PDE3A: variants seen among roughly 807,000 people sequenced by gnomAD.
The protein encoded by PDE3A is cGMP-inhibited 3',5'-cyclic phosphodiesterase 3A.
Under a neutral mutation model 98.3 loss-of-function variants are expected in PDE3A, and 43 were observed. That is an observed-to-expected ratio of 0.44 (90% CI 0.34 to 0.56). The LOEUF is 0.56. Ranked by LOEUF, PDE3A falls within the 20% of genes least tolerant of loss-of-function variation. The pLI, the probability that PDE3A is intolerant of heterozygous loss-of-function variation, is 0.01. For synonymous variants in PDE3A, 663 were observed against 567.9 expected (o/e 1.17, Z -2.38); for missense variants, 1,427 against 1,440.7 (o/e 0.99, Z 0.15).
rs1187718207 is a variant in PDE3A at position 20,449,882 on chromosome 12, C to G, written c.960+79638C>G. On this transcript the variant is annotated intron_variant, in intron 1 of 15. Coordinates refer to ENST00000359062, the MANE Select transcript of PDE3A (RefSeq NM_000921.5). ...TTTAGTGGACATTTGGGTGACAGATCTTTAAGTGTGCTCTTCGGTGGTTTG... is the reference window on the plus strand; with the variant it reads ...TTTAGTGGACATTTGGGTGACAGATGTTTAAGTGTGCTCTTCGGTGGTTTG... 2.6e-5 allele frequency: 18 copies of G among 704,984 alleles called. No individual in the cohort carries two copies. In the South Asian group the frequency reaches 4.5e-4, roughly 18 times the overall value. 43.7% of individuals were successfully genotyped at this position (704,984 alleles called of 1,614,324 possible).
Position 20,369,430 on chromosome 12 carries a change from A to T in PDE3A, c.146A>T (p.Asp49Val). 6.4e-7 allele frequency: 1 copy of T among 1,555,080 alleles called. No homozygotes were observed. Among genetic ancestry groups the T allele is most frequent in the South Asian group, 1.2e-5 (1 of 84,378 alleles). The change falls in exon 1 of 16, where the codon GAC becomes GTC. Residue 49 changes from aspartate (D) to valine (V), a missense_variant. By Grantham distance (152) the Asp-to-Val change is radical. Around this residue, in one of 3 missense-constraint regions of PDE3A, gnomAD observed 1,012 missense variants for 886.5 expected, o/e 1.14. Coordinates refer to ENST00000359062, the MANE Select transcript of PDE3A (RefSeq NM_000921.5). ...RDSGCRGCWG[D>V]LVLQPLRSSR... ...TCGGGCTGCCGTGGCTGCTGGGGAGACCTGGTGCTGCAGCCGCTCCGGAGC... is the reference window on the plus strand; with the variant it reads ...TCGGGCTGCCGTGGCTGCTGGGGAGTCCTGGTGCTGCAGCCGCTCCGGAGC...
intron 15 of PDE3A, among the ~76,000 whole-genome samples, chr12:20,665,027 TTTC>T (rs774944391): frequency 6.6e-6 from 1 of 152,182 alleles, no homozygotes; most frequent in Non-Finnish European, 1.5e-5. Context: ...TTTATTGACT[TTTC>T]TTCATTTTCA....
At chr12:20,596,686 T>A (rs1169028964) in intron 2 of PDE3A, among the ~76,000 whole-genome samples, 1 of 152,136 alleles carries the variant, frequency 6.6e-6, no homozygotes, top group Admixed American at 6.5e-5. Flanking sequence ...GCATTTTTCT[T>A]GATGGAAAAA....
chr12:20,407,926 T>C (rs796821837), intron 1 of PDE3A, among the ~76,000 whole-genome samples: 3 of 152,082 alleles, frequency 2.0e-5, no homozygotes, highest in East Asian at 3.9e-4. Flanking sequence ...TTTTTATTTA[T>C]TTATTTATTT....
At chr12:20,607,236 C>A (rs1386049308) in intron 2 of PDE3A, among the ~76,000 whole-genome samples, 1 of 151,854 alleles carries the variant, frequency 6.6e-6, no homozygotes, top group Non-Finnish European at 1.5e-5. Context: ...CCCAGGAGTT[C>A]AAGACCAGCC....
chr12:20,527,782 A>G (rs1312484906), intron 1 of PDE3A, among the ~76,000 whole-genome samples: 2 of 152,186 alleles, frequency 1.3e-5, no homozygotes, highest in Non-Finnish European at 2.9e-5. Flanking sequence ...TTTGATGTTT[A>G]TAATACCCGA....
chr12:20,517,938 A>G (rs1351556283), intron 1 of PDE3A, among the ~76,000 whole-genome samples: 2 of 152,334 alleles, frequency 1.3e-5, no homozygotes, highest in East Asian at 3.9e-4. Context: ...ACCCGTTTAC[A>G]AAGAGACTCC....
At chr12:20,411,098 T>G (rs909935583) in intron 1 of PDE3A, among the ~76,000 whole-genome samples, 2 of 152,204 alleles carry the variant, frequency 1.3e-5, no homozygotes, top group Non-Finnish European at 2.9e-5. Context: ...TCTTTCAAAT[T>G]TTGGCATTTA....
intron 2 of PDE3A, among the ~76,000 whole-genome samples, chr12:20,602,269 G>A (rs1201572561): frequency 6.6e-6 from 1 of 152,174 alleles, no homozygotes; most frequent in Admixed American, 6.5e-5. Context: ...AAACCAGCGT[G>A]CAACTTAAAG....
chr12:20,475,068 G>T (rs1011255244), intron 1 of PDE3A, among the ~76,000 whole-genome samples: 1 of 151,852 alleles, frequency 6.6e-6, no homozygotes, highest in South Asian at 2.1e-4. Flanking sequence ...GGTCACTGTT[G>T]ATCAAAAATG....
chr12:20,671,467 T>G (rs963279192), intron 15 of PDE3A, among the ~76,000 whole-genome samples: 1 of 122,952 alleles, frequency 8.1e-6, no homozygotes, highest in South Asian at 2.9e-4. Context: ...ACTGGCAAAC[T>G]GAATCCAGCA....
At chr12:20,574,380 G>GAAAT (rs1194255887) in intron 2 of PDE3A, among the ~76,000 whole-genome samples, 1 of 152,042 alleles carries the variant, frequency 6.6e-6, no homozygotes, top group East Asian at 1.9e-4. Flanking sequence ...AATGATCTTT[G>GAAAT]AAATAATAAA....
intron 1 of PDE3A, among the ~76,000 whole-genome samples, chr12:20,512,599 G>A (rs1946247947): frequency 6.6e-6 from 1 of 152,004 alleles, no homozygotes; most frequent in Non-Finnish European, 1.5e-5. Context: ...GGTTCTATGT[G>A]CTTATTTTTA....
intron 2 of PDE3A, among the ~76,000 whole-genome samples, chr12:20,562,272 G>A (rs1057330384): frequency 6.9e-6 from 1 of 144,710 alleles, no homozygotes; most frequent in African/African-American, 2.6e-5. Context: ...CCAGGCTGGC[G>A]TGCAGTGGTG....
At chr12:20,414,479 G>T (rs1215623996) in intron 1 of PDE3A, among the ~76,000 whole-genome samples, 1 of 152,164 alleles carries the variant, frequency 6.6e-6, no homozygotes, top group Non-Finnish European at 1.5e-5. Flanking sequence ...TATGTTTCTT[G>T]TGTAGGTTTT....
At chr12:20,551,882 A>G (rs1415232661) in intron 1 of PDE3A, 41 of 1,613,470 alleles carry the variant, frequency 2.5e-5, no homozygotes, top group Non-Finnish European at 3.2e-5. Flanking sequence ...TCCAACCACT[A>G]CGGACCCATC....
At chr12:20,667,556 C>T (rs1473110271) in intron 15 of PDE3A, among the ~76,000 whole-genome samples, 1 of 152,156 alleles carries the variant, frequency 6.6e-6, no homozygotes, top group African/African-American at 2.4e-5. Context: ...ATGTTCTTGG[C>T]ACCTTTGTCA....
chr12:20,634,117 A>G (rs1234460385), intron 7 of PDE3A, among the ~76,000 whole-genome samples: 1 of 152,190 alleles, frequency 6.6e-6, no homozygotes. Context: ...AAAATTTTTT[A>G]ATACATTTAT....
intron 4 of PDE3A, among the ~76,000 whole-genome samples, chr12:20,616,752 C>G (rs890001398): frequency 1.3e-5 from 2 of 151,906 alleles, no homozygotes; most frequent in Non-Finnish European, 2.9e-5. Flanking sequence ...GATATGAGAT[C>G]CCCCAGCCCA....
Sources: gnomAD v4.1 joint callset for allele counts (sites outside exome capture counted in the v4.1 genomes callset) on GRCh38, gnomAD v4.1.1 for gene constraint, gnomAD v4.1.1 regional missense constraint, MANE v1.5 for transcripts, NCBI Gene and HGNC (gene_info 2026-07-23, HGNC 2026-07-21) for gene names.